Variants in ADGRB3 observed in about 807,000 individuals in gnomAD.
ADGRB3 encodes brain-specific angiogenesis inhibitor 3.
ADGRB3 carries 37 observed loss-of-function variants against 193.4 expected under a neutral mutation model. The observed-to-expected ratio is 0.19, with a 90% CI of 0.15 to 0.25. The LOEUF is 0.25. Ranked by LOEUF, ADGRB3 falls within the 10% of genes least tolerant of loss-of-function variation. The pLI, the probability that ADGRB3 is intolerant of heterozygous loss-of-function variation, is 1.00. For missense variants in ADGRB3, 1,637 were observed against 1,852.9 expected (o/e 0.88, Z 2.14); for synonymous variants, 690 against 644.2 (o/e 1.07, Z -1.08).
chr6:69,026,867 A>C (rs1770446142), intron 13 of ADGRB3, among the ~76,000 whole-genome samples: 1 of 152,210 alleles, frequency 6.6e-6, no homozygotes, highest in African/African-American at 2.4e-5. Flanking sequence ...CGCATAGAGC[A>C]CTTACAATGA....
At chr6:69,019,564 C>T (rs1049129137) in intron 13 of ADGRB3, among the ~76,000 whole-genome samples, 1 of 151,944 alleles carries the variant, frequency 6.6e-6, no homozygotes, top group African/African-American at 2.4e-5. Flanking sequence ...CCTCAGATTA[C>T]AATAGGTTAT....
intron 6 of ADGRB3, among the ~76,000 whole-genome samples, chr6:68,947,638 C>T (rs1767807687): frequency 6.6e-6 from 1 of 152,002 alleles, no homozygotes; most frequent in South Asian, 2.1e-4. Context: ...TAGATTTTTA[C>T]CTTTTAATAT....
chr6:69,220,469 G>A (rs1191878889), intron 17 of ADGRB3, among the ~76,000 whole-genome samples: 1 of 152,122 alleles, frequency 6.6e-6, no homozygotes, highest in African/African-American at 2.4e-5. Flanking sequence ...AGAGCTGAAA[G>A]TAGTCATTGT....
At chr6:69,187,376 A>T (rs1232134704) in intron 17 of ADGRB3, among the ~76,000 whole-genome samples, 1 of 152,162 alleles carries the variant, frequency 6.6e-6, no homozygotes, top group Non-Finnish European at 1.5e-5. Flanking sequence ...TGTTCGTATA[A>T]GACTTTCTGG....
chr6:68,909,100 T>C (rs1766627638), intron 3 of ADGRB3, among the ~76,000 whole-genome samples: 1 of 152,178 alleles, frequency 6.6e-6, no homozygotes, highest in Admixed American at 6.5e-5. Flanking sequence ...ATGAAATCTT[T>C]GCACTATTAG....
intron 20 of ADGRB3, among the ~76,000 whole-genome samples, chr6:69,297,888 G>T (rs1475741771): frequency 6.6e-6 from 1 of 152,000 alleles, no homozygotes; most frequent in Admixed American, 6.6e-5. Context: ...CATAGAGAGA[G>T]AAAAAACTTG....
chr6:69,342,450 G>T (rs551672563), intron 26 of ADGRB3, among the ~76,000 whole-genome samples: 1 of 152,190 alleles, frequency 6.6e-6, no homozygotes, highest in African/African-American at 2.4e-5. Flanking sequence ...CCTAGAGGAA[G>T]ATTTCATTTA....
chr6:69,059,788 G>A (rs993830106), intron 15 of ADGRB3, among the ~76,000 whole-genome samples: 1 of 152,010 alleles, frequency 6.6e-6, no homozygotes, highest in Non-Finnish European at 1.5e-5. Context: ...ATGTAAATTT[G>A]CTTATTTATT....
At chr6:68,783,064 T>TA (rs1411778701) in intron 3 of ADGRB3, among the ~76,000 whole-genome samples, 3 of 114,282 alleles carry the variant, frequency 2.6e-5, no homozygotes, top group Non-Finnish European at 5.9e-5. Flanking sequence ...AGCTAATATT[T>TA]ATGGAGTAAT....
intron 15 of ADGRB3, among the ~76,000 whole-genome samples, chr6:69,061,597 A>C (rs948805818): frequency 3.9e-5 from 6 of 152,038 alleles, no homozygotes; most frequent in African/African-American, 1.4e-4. Flanking sequence ...ATAATAGCCA[A>C]ATATCATTAG....
chr6:68,674,696 C>T (rs1434927293), intron 3 of ADGRB3, among the ~76,000 whole-genome samples: 2 of 152,088 alleles, frequency 1.3e-5, no homozygotes, highest in Non-Finnish European at 2.9e-5. Context: ...TGAAACTCTT[C>T]CAGAAAGAGG....
chr6:68,883,047 C>T (rs1765777827), intron 3 of ADGRB3, among the ~76,000 whole-genome samples: 1 of 152,112 alleles, frequency 6.6e-6, no homozygotes, highest in Non-Finnish European at 1.5e-5. Flanking sequence ...GTGCCCGCCA[C>T]AATTACCAGC....
intron 13 of ADGRB3, among the ~76,000 whole-genome samples, chr6:69,019,052 T>C (rs941990446): frequency 1.1e-4 from 16 of 151,990 alleles, no homozygotes; most frequent in Non-Finnish European, 2.2e-4. Flanking sequence ...ACACAGTGGA[T>C]CTCTCAGGTC....
intron 16 of ADGRB3, among the ~76,000 whole-genome samples, chr6:69,065,987 T>C (rs932571621): frequency 6.6e-6 from 1 of 152,006 alleles, no homozygotes; most frequent in Non-Finnish European, 1.5e-5. Flanking sequence ...GTAAGCAATT[T>C]AGAGATGATT....
chr6:68,909,032 G>C (rs9446069), intron 3 of ADGRB3, among the ~76,000 whole-genome samples: 1,574 of 152,142 alleles, frequency 0.01, 42 homozygotes, highest in African/African-American at 0.036. Context: ...CCAATAAATG[G>C]TGCCCTTTTT....
Position 69,246,897 on chromosome 6 carries a change from T to A in ADGRB3, c.2814+7671T>A, listed in dbSNP as rs1766510514. On this transcript the variant is annotated intron_variant, in intron 20 of 31. Transcript: ENST00000370598. The stretch of plus-strand genomic sequence containing the variant: ...CACGAGTCTCAGCCTAGTGTGCAGG[T>A]GATTGCTTTGAGAATGTCAGGCCTA... Among the ~76,000 whole-genome samples, 2 of 152,156 alleles carry A rather than the reference T, an allele frequency of 1.3e-5. 1 individual carries two copies. The highest frequency in any genetic ancestry group is 4.1e-4 in the South Asian group (2 of 4,828).
chr6:68,857,381 A>G (rs550564449), intron 3 of ADGRB3, among the ~76,000 whole-genome samples: 65 of 152,296 alleles, frequency 4.3e-4, no homozygotes, highest in African/African-American at 1.4e-3. Context: ...ACCCTGCAAA[A>G]CCACAGGAGC....
intron 26 of ADGRB3, among the ~76,000 whole-genome samples, chr6:69,340,777 T>C (rs1768957370): frequency 6.6e-6 from 1 of 152,038 alleles, no homozygotes; most frequent in African/African-American, 2.4e-5. Context: ...CCCCCCACCC[T>C]TGACAGGACC....
chr6:69,082,945 A>T (rs142325974), intron 17 of ADGRB3, among the ~76,000 whole-genome samples: 115 of 152,334 alleles, frequency 7.5e-4, no homozygotes, highest in African/African-American at 2.7e-3. Context: ...TTGATATTGC[A>T]TTAACCTAGG....
Sources: allele counts gnomAD v4.1 joint callset (sites outside exome capture counted in the v4.1 genomes callset), GRCh38; gene constraint gnomAD v4.1.1; transcripts MANE v1.5; gene names NCBI Gene and HGNC (gene_info 2026-07-23, HGNC 2026-07-21).